Variants in GALNT11 observed in about 807,000 individuals in gnomAD.
GALNT11 encodes the protein polypeptide N-acetylgalactosaminyltransferase 11, also known as UDP-GalNAc:polypeptide N-acetylgalactosaminyltransferase 11.
In GALNT11, 47 loss-of-function variants were observed where a neutral mutation model predicts 72.7. The ratio of observed to expected loss-of-function variants is 0.65; its 90% confidence interval spans 0.51 to 0.82. The LOEUF is 0.82. Among genes scored for constraint, GALNT11 ranks in the 40% least tolerant of loss-of-function variants. The probability of loss-of-function intolerance (pLI) is 0.00; values close to 1 mark genes in which losing one functional copy is unlikely to be tolerated. For synonymous variants in GALNT11, 270 were observed against 286.6 expected, an observed-to-expected ratio of 0.94 and a Z score of 0.58; for missense variants, 677 against 778.4, an observed-to-expected ratio of 0.87 and a Z score of 1.55.
chr7:152,039,319 C>T (rs564548198), intron 1 of GALNT11, among the ~76,000 whole-genome samples: 2 of 152,224 alleles, frequency 1.3e-5, no homozygotes, highest in South Asian at 2.1e-4. Flanking sequence ...GGGTGGTATG[C>T]CTCAATTGTA....
chr7:152,047,316 C>A lies in GALNT11; in HGVS notation c.-39+21432C>A, dbSNP rs186302293. On this transcript the variant is annotated intron_variant, in intron 1 of 11. Transcript: ENST00000430044. Reference sequence around the variant, plus strand: ...TGAAACCCTATCTCTACTAAAAATACAAAAATTAGCTGGGTGTGGTGCCTG... The same window carrying A: ...TGAAACCCTATCTCTACTAAAAATAAAAAAATTAGCTGGGTGTGGTGCCTG... Among the ~76,000 whole-genome samples, 34 of 152,042 alleles carry A rather than the reference C, an allele frequency of 2.2e-4. No individual in the cohort carries two copies. In the East Asian group the frequency reaches 5.0e-3, roughly 23 times the overall value.
At chr7:152,120,805 AATTTT>A (rs777297745) in intron 10 of GALNT11, 21 bp from the exon 11 acceptor site, 64 of 1,569,444 alleles carry the variant, frequency 4.1e-5, no homozygotes, top group African/African-American at 3.8e-4. Context: ...TCGTTATCTA[AATTTT>A]ATTTTATTTT....
At chr7:152,100,963 G>T (rs761250556) in intron 3 of GALNT11, 42 bp downstream of exon 3, 6 of 1,605,822 alleles carry the variant, frequency 3.7e-6, no homozygotes, top group South Asian at 3.3e-5. Flanking sequence ...TTAACAACAC[G>T]ATGCTTTTAG....
chr7:152,091,365 C>CGG (rs2086024089), intron 1 of GALNT11, among the ~76,000 whole-genome samples: 1 of 151,958 alleles, frequency 6.6e-6, no homozygotes, highest in African/African-American at 2.4e-5. Context: ...CTCAGCCTCC[C>CGG]GAGTAGCTGG....
chr7:152,100,265 A>G (rs867474426), intron 2 of GALNT11, among the ~76,000 whole-genome samples: 3 of 151,806 alleles, frequency 2.0e-5, no homozygotes, highest in African/African-American at 7.2e-5. Flanking sequence ...ATAATAAACT[A>G]TTCTTAAGAT....
intron 1 of GALNT11, among the ~76,000 whole-genome samples, chr7:152,039,762 G>A (rs1295499063): frequency 3.9e-5 from 6 of 152,114 alleles, no homozygotes; most frequent in Admixed American, 3.9e-4. Context: ...TTTGGTCCTG[G>A]AGAAACACAA....
At chr7:152,047,199 G>A (rs7798374) in intron 1 of GALNT11, among the ~76,000 whole-genome samples, 3 of 151,876 alleles carry the variant, frequency 2.0e-5, no homozygotes, top group Admixed American at 1.3e-4. Flanking sequence ...GGCTGGGCAC[G>A]GTGGTTCACA....
At chr7:152,088,199 A>G (rs1370790051) in intron 1 of GALNT11, among the ~76,000 whole-genome samples, 2 of 152,222 alleles carry the variant, frequency 1.3e-5, no homozygotes, top group African/African-American at 4.8e-5. Flanking sequence ...ACAAGTGATT[A>G]TAGGAACCTT....
At chr7:152,101,287 T>C (rs2086860985) in intron 3 of GALNT11, among the ~76,000 whole-genome samples, 2 of 152,054 alleles carry the variant, frequency 1.3e-5, no homozygotes, top group African/African-American at 4.8e-5. Flanking sequence ...TCTTTCATTG[T>C]TTTTTTTCCA....
chr7:152,071,275 C>T lies in GALNT11; in HGVS notation c.-38-22915C>T, dbSNP rs1052290774. ...GCCCTGTATTCTCAACCATAAGAGA[C>T]GGGCACACCTGGGGGTGCTGTTTAT... is the stretch of plus-strand genomic sequence containing the variant. On this transcript the variant is annotated intron_variant, in intron 1 of 11. Transcript: ENST00000430044. Among the ~76,000 whole-genome samples, 7 of 150,650 alleles carry T rather than the reference C, an allele frequency of 4.6e-5. No homozygotes were observed. The South Asian group carries it at 8.5e-4, about 18-fold the overall frequency.
At chr7:152,111,642 A>ATT (rs201612182) in intron 7 of GALNT11, among the ~76,000 whole-genome samples, 38 of 146,320 alleles carry the variant, frequency 2.6e-4, no homozygotes, top group Middle Eastern at 3.5e-3. Context: ...ATATATATAT[A>ATT]TATTTTTTTA....
Position 152,121,118 on chromosome 7 carries a change from C to A in GALNT11, c.1695+150C>A, listed in dbSNP as rs767356325. 3.1e-4 allele frequency: 265 copies of A among 846,420 alleles called. 1 individual carries two copies. In the Middle Eastern group the frequency reaches 4.5e-3, roughly 14 times the overall value. 52.4% of individuals were successfully genotyped at this position (846,420 alleles called of 1,614,324 possible). On this transcript the variant is annotated intron_variant, in intron 11 of 11. Transcript: ENST00000430044. The stretch of plus-strand genomic sequence containing the variant: ...CCCCAGAAACCACAGGTAGTACAAA[C>A]CCTGTATATACTGTATTTCTTTCTA...
At chr7:152,108,421 G>T in intron 6 of GALNT11, 134 bp downstream of exon 6, 1 of 1,342,690 alleles carries the variant, frequency 7.4e-7, no homozygotes, top group East Asian at 2.4e-5. Context: ...AAAAATTCTT[G>T]AGTACGTATT....
intron 7 of GALNT11, among the ~76,000 whole-genome samples, chr7:152,112,475 AG>A (rs1411740000): frequency 6.6e-6 from 1 of 151,764 alleles, no homozygotes; most frequent in Non-Finnish European, 1.5e-5. Flanking sequence ...TGGGAGGCAG[AG>A]GTTGCAGTGA....
chr7:152,108,033 C>T lies in GALNT11; in HGVS notation c.713-5C>T, dbSNP rs755801162. ...TCTCCTGAGCCTCTGTTGTTTCCTCCCCAGGAGAAGTCCTTGTGTTCCTGG... is the reference window on the plus strand; with the variant it reads ...TCTCCTGAGCCTCTGTTGTTTCCTCTCCAGGAGAAGTCCTTGTGTTCCTGG... On this transcript the variant is annotated splice_polypyrimidine_tract_variant and splice_region_variant and intron_variant, in intron 5 of 11. Transcript: ENST00000430044. The T allele has an allele frequency of 4.3e-5, 69 of 1,604,230 alleles. No individual in the cohort carries two copies. Among genetic ancestry groups the T allele is most frequent in the Non-Finnish European group, 5.0e-5 (59 of 1,172,386 alleles).
intron 6 of GALNT11, among the ~76,000 whole-genome samples, chr7:152,109,390 C>T (rs2087937616): frequency 1.3e-5 from 2 of 152,200 alleles, no homozygotes; most frequent in East Asian, 3.8e-4. Flanking sequence ...CGTTGTTAGT[C>T]TTACTTTGCT....
At chr7:152,116,316 T>A (rs760352458) in intron 8 of GALNT11, among the ~76,000 whole-genome samples, 8 of 152,092 alleles carry the variant, frequency 5.3e-5, no homozygotes, top group African/African-American at 1.7e-4. Flanking sequence ...AGTGGCACGA[T>A]CTCAATTCAC....
At chr7:152,120,686 A>G in intron 10 of GALNT11, 145 bp from the exon 11 acceptor site, 1 of 698,382 alleles carries the variant, frequency 1.4e-6, no homozygotes, top group Non-Finnish European at 2.4e-6. Context: ...GAATGAACCA[A>G]GTTGAAATCT....
intron 5 of GALNT11, 67 bp downstream of exon 5, chr7:152,105,437 C>T (rs1290716529): frequency 9.6e-6 from 15 of 1,558,386 alleles, no homozygotes; most frequent in Non-Finnish European, 1.3e-5. Flanking sequence ...CAGCGCCTGT[C>T]CTGATTCTGC....
Sources: gnomAD v4.1 joint callset for allele counts (sites outside exome capture counted in the v4.1 genomes callset) on GRCh38, gnomAD v4.1.1 for gene constraint, MANE v1.5 for transcripts, NCBI Gene and HGNC (gene_info 2026-07-23, HGNC 2026-07-21) for gene names.